Variants in ZDBF2 observed in about 807,000 individuals in gnomAD.
ZDBF2 encodes the protein zinc finger DBF-type containing 2.
ZDBF2 carries 6 observed loss-of-function variants against 9.4 expected under a neutral mutation model. The observed-to-expected ratio is 0.64, with a 90% confidence interval of 0.35 to 1.27. The LOEUF is 1.27. Ranked by LOEUF, ZDBF2 falls within the 50% of genes most tolerant of loss-of-function variation. The pLI is 0.03. For synonymous variants in ZDBF2, 905 were observed against 946.3 expected (o/e 0.96, Z 0.80); for missense variants, 2,697 against 2,766.8 (o/e 0.97, Z 0.57).
chr2:206,304,723 A>G lies in ZDBF2; in HGVS notation c.195A>G (p.Thr65=). ...TTCCCCCCTTTCGTTTTAGTTCAAC[A>G]CAAGATGAGACACATGTGAATACTG... The part of the protein sequence containing the change: ...HPYHCQESSS[T]QDETHVNTGS... The change falls in exon 5 of 5, where the codon ACA becomes ACG. Residue 65 remains threonine (T), a synonymous_variant. Transcript: ENST00000374423. The G allele has an allele frequency of 6.2e-7, 1 of 1,602,882 alleles. No individual in the cohort carries two copies. Among genetic ancestry groups the G allele is most frequent in the Non-Finnish European group, 8.5e-7 (1 of 1,175,686 alleles).
chr2:206,304,985 C>G lies in ZDBF2; in HGVS notation c.457C>G (p.His153Asp). Residue 153 changes from histidine (H) to aspartate (D), a missense_variant, in exon 5 of 5, where the codon CAT (histidine) becomes GAT (aspartate). This residue lies in a region of ZDBF2 where 910 missense variants were observed against 973.6 expected (regional missense o/e 0.93). Transcript: ENST00000374423. ...ACAGCAGCAGCCCTTGGAGTTTGTTCATAAAATTGGGGCCAGTGTGAGAAA... is the reference window on the plus strand; with the variant it reads ...ACAGCAGCAGCCCTTGGAGTTTGTTGATAAAATTGGGGCCAGTGTGAGAAA... The part of the protein sequence containing the change: ...KGQQQPLEFV[H>D]KIGASVRKCN... 6.2e-7 allele frequency: 1 copy of G among 1,613,582 alleles called. No individual in the cohort carries two copies. The highest frequency in any genetic ancestry group is 8.5e-7 in the Non-Finnish European group (1 of 1,179,754).
At position 206,309,199 on chromosome 2, in the gene ZDBF2, C is replaced by CA; in HGVS notation, c.4674dup (p.Asp1559ArgfsTer11). The CA allele has an allele frequency of 6.2e-7, 1 of 1,607,686 alleles. No homozygotes were observed. Among genetic ancestry groups the CA allele is most frequent in the Non-Finnish European group, 8.5e-7 (1 of 1,176,534 alleles). On this transcript the variant is annotated frameshift_variant, in exon 5 of 5. Coordinates refer to ENST00000374423, the MANE Select transcript of ZDBF2 (RefSeq NM_020923.3). LOFTEE classifies it low-confidence loss of function (END_TRUNC). ...TGACTGACCCACCTCAGTTGACTGT[C>CA]AAAGATATCAGCTGTATAAATACAG...
At chr2:206,300,908 G>A (rs1471986624) in intron 4 of ZDBF2, among the ~76,000 whole-genome samples, 2 of 152,012 alleles carry the variant, frequency 1.3e-5, no homozygotes, top group African/African-American at 2.4e-5. Flanking sequence ...CTCAAATTGT[G>A]TATGAACATT....
chr2:206,282,258 G>A (rs1691359976), intron 3 of ZDBF2, among the ~76,000 whole-genome samples: 1 of 152,124 alleles, frequency 6.6e-6, no homozygotes, highest in East Asian at 1.9e-4. Context: ...TTTGGAGTTT[G>A]GGTCTCAGGT....
At position 206,308,296 on chromosome 2, in the gene ZDBF2, A is replaced by G; in HGVS notation, c.3768A>G (p.Gln1256=). Residue 1256 remains glutamine, a synonymous_variant, in exon 5 of 5, where the codon CAA becomes CAG. Coordinates refer to ENST00000374423, the MANE Select transcript of ZDBF2 (RefSeq NM_020923.3). ...DSDVLQPVAG[Q]PEEVVKEVSL... is the part of the protein sequence containing the mutation. ...ATGTTCTTCAGCCAGTGGCTGGCCA[A>G]CCTGAAGAAGTAGTTAAGGAGGTCA... 6.2e-7 allele frequency: 1 copy of G among 1,613,914 alleles called. No individual in the cohort carries two copies. Among genetic ancestry groups the G allele is most frequent in the Non-Finnish European group, 8.5e-7 (1 of 1,179,848 alleles).
chr2:206,305,883 C>G lies in ZDBF2; in HGVS notation c.1355C>G (p.Ser452Cys), dbSNP rs1692760075. 9 of 1,613,200 alleles carry G rather than the reference C, an allele frequency of 5.6e-6. No homozygotes were observed. In the African/African-American group the frequency reaches 6.7e-5, roughly 12 times the overall value. Residue 452 changes from serine (S) to cysteine (C), a missense_variant, in exon 5 of 5, where the codon TCT becomes TGT. Around this residue, in one of 3 missense-constraint regions of ZDBF2, gnomAD observed 910 missense variants for 973.6 expected, o/e 0.93. Coordinates refer to ENST00000374423, the MANE Select transcript of ZDBF2 (RefSeq NM_020923.3). ...AAATCTTATGTTTCTAAAATAAGTT[C>G]TGATTGTGATGACATTCTTCACTTG... is the stretch of plus-strand genomic sequence containing the variant. ...NNKSYVSKIS[S>C]DCDDILHLVT... is the part of the protein sequence containing the mutation.
intron 4 of ZDBF2, 44 bp downstream of exon 4, chr2:206,297,417 T>A (rs1417454761): frequency 6.5e-7 from 1 of 1,542,740 alleles, no homozygotes; most frequent in South Asian, 1.2e-5. Flanking sequence ...AGTTATATGT[T>A]ACAGTAGGTG....
In ZDBF2 at chr2:206,311,483, C is replaced by G. The variant is rs1693190877; in HGVS notation, c.6955C>G (p.Pro2319Ala). ...AAGCTACCATGGCCGACAGAAAGGT[C>G]CTTCTACACCTGTGAGAGCATATGA... ...DESYHGRQKG[P>A]STPVRAYDLR... The change falls in exon 5 of 5, where the codon CCT becomes GCT. Residue 2319 changes from proline (P) to alanine (A), a missense_variant. Transcript: ENST00000374423. 6.2e-7 allele frequency: 1 copy of G among 1,608,670 alleles called. No individual in the cohort carries two copies. The highest frequency in any genetic ancestry group is 1.3e-5 in the African/African-American group (1 of 74,688).
At position 206,291,973 on chromosome 2, in the gene ZDBF2, A is replaced by G. The variant is rs1691921402; in HGVS notation, c.61-5273A>G. On this transcript the variant is annotated intron_variant, in intron 3 of 4. Transcript: ENST00000374423. ...TTAATAAGGAAGGTGAAATAAAACT[A>G]TTTTCAGGAAATAAAAATTAAGGGA... is the stretch of plus-strand genomic sequence containing the variant. 7 of 397,852 alleles carry G rather than the reference A, an allele frequency of 1.8e-5. No individual in the cohort carries two copies. The East Asian group carries it at 1.8e-4, about 10-fold the overall frequency. 24.6% of individuals were successfully genotyped at this position (397,852 alleles called of 1,614,324 possible).
chr2:206,302,788 A>G (rs1692570367), intron 4 of ZDBF2, among the ~76,000 whole-genome samples: 1 of 152,186 alleles, frequency 6.6e-6, no homozygotes, highest in Admixed American at 6.5e-5. Flanking sequence ...TATATGGGAT[A>G]GTAATACTTA....
chr2:206,311,333 CT>C lies in ZDBF2; in HGVS notation c.6809del (p.Leu2270Ter). On this transcript the variant is annotated frameshift_variant, in exon 5 of 5. Transcript: ENST00000374423. LOFTEE classifies it low-confidence loss of function (END_TRUNC). ...GAAGGCGAAGAGAACAGCTAAAGTG[CT>C]TTTGAACTCTTCAGTTCCACCAGCT... ...LKKAKRTAKV[L>X]LNSSVPPAGA... The C allele has an allele frequency of 6.2e-7, 1 of 1,603,924 alleles. No individual in the cohort carries two copies.
In ZDBF2 at chr2:206,305,860, A is replaced by G; in HGVS notation, c.1332A>G (p.Lys444=). 1 of 1,613,002 alleles carries G rather than the reference A, an allele frequency of 6.2e-7. No homozygotes were observed. Among genetic ancestry groups the G allele is most frequent in the Non-Finnish European group, 8.5e-7 (1 of 1,179,432 alleles). ...VRTDVQYKNN[K]SYVSKISSDC... is the part of the protein sequence containing the mutation. Reference sequence around the variant, plus strand: ...CTGATGTACAGTATAAGAATAATAAATCTTATGTTTCTAAAATAAGTTCTG... The same window carrying G: ...CTGATGTACAGTATAAGAATAATAAGTCTTATGTTTCTAAAATAAGTTCTG... The change falls in exon 5 of 5, where the codon AAA becomes AAG. Residue 444 remains lysine, a synonymous_variant. Coordinates refer to ENST00000374423, the MANE Select transcript of ZDBF2 (RefSeq NM_020923.3).
chr2:206,309,031 T>G lies in ZDBF2; in HGVS notation c.4503T>G (p.Asp1501Glu), dbSNP rs1276157186. Residue 1501 changes from aspartate (D) to glutamate (E), a missense_variant, in exon 5 of 5, where the codon GAT (aspartate) becomes GAG (glutamate). Transcript: ENST00000374423. ...CTAGTGATTCAGAAATGATGTATGA[T>G]TCTGATGTTCCTTTTCAAATAGTAG... ...DQPSDSEMMYDSDVPFQIVVN... is the reference protein window; with the variant it reads ...DQPSDSEMMYESDVPFQIVVN... 1.2e-6 allele frequency: 2 copies of G among 1,613,912 alleles called. No homozygotes were observed. Among genetic ancestry groups the G allele is most frequent in the Non-Finnish European group, 1.7e-6 (2 of 1,179,864 alleles).
chr2:206,297,412 T>C (rs759375348), intron 4 of ZDBF2, 39 bp downstream of exon 4: 2 of 1,556,412 alleles, frequency 1.3e-6, no homozygotes, highest in Admixed American at 1.8e-5. Context: ...TACGTAGTTA[T>C]ATGTTACAGT....
chr2:206,289,787 A>G (rs137927826), intron 3 of ZDBF2, among the ~76,000 whole-genome samples: 2,258 of 152,194 alleles, frequency 0.015, 21 homozygotes, highest in South Asian at 0.033. Context: ...TGAGGTCTGT[A>G]GGTGTCCAAG....
intron 3 of ZDBF2, chr2:206,292,193 A>G (rs1559138918): frequency 2.5e-6 from 1 of 397,878 alleles, no homozygotes; most frequent in East Asian, 3.6e-5. Context: ...TTGGGAGGGG[A>G]GTAAATGATG....
At position 206,310,383 on chromosome 2, in the gene ZDBF2, A is replaced by C; in HGVS notation, c.5855A>C (p.Asn1952Thr). 1.2e-6 allele frequency: 2 copies of C among 1,613,998 alleles called. No individual in the cohort carries two copies. Among genetic ancestry groups the C allele is most frequent in the Non-Finnish European group, 1.7e-6 (2 of 1,179,884 alleles). The change falls in exon 5 of 5, where the codon AAT becomes ACT. Residue 1952 changes from asparagine to threonine, a missense_variant. By Grantham distance (65) the Asn-to-Thr change is moderately conservative (BLOSUM62 0). Around this residue, in one of 3 missense-constraint regions of ZDBF2, gnomAD observed 1,783 missense variants for 1,776.5 expected, o/e 1.00. Transcript: ENST00000374423. The part of the protein sequence containing the change: ...ISHSTQTSCK[N>T]YPVMKRKIIR... Reference sequence around the variant, plus strand: ...CATAGTACTCAGACCAGTTGTAAGAATTACCCAGTGATGAAAAGAAAAATA... The same window carrying C: ...CATAGTACTCAGACCAGTTGTAAGACTTACCCAGTGATGAAAAGAAAAATA...
rs1414860113 is a variant in ZDBF2 at position 206,311,606 on chromosome 2, T to C, written c.*13T>C. The C allele has an allele frequency of 2.0e-6, 3 of 1,475,958 alleles. No homozygotes were observed. Among genetic ancestry groups the C allele is most frequent in the East Asian group, 4.6e-5 (2 of 43,180 alleles). The allele number at this position is 1,475,958 out of a possible 1,614,324, so 91.4% of individuals were successfully genotyped here. The stretch of plus-strand genomic sequence containing the variant: ...TGAGGTAAAATAGAAGTTGGTTTTG[T>C]GTTCAGGCTAGTTGAGGATTCAGTA... On this transcript the variant is annotated 3_prime_UTR_variant, in exon 5 of 5. Transcript: ENST00000374423.
intron 4 of ZDBF2, among the ~76,000 whole-genome samples, chr2:206,298,266 AAT>A (rs1369726419): frequency 6.6e-6 from 1 of 152,114 alleles, no homozygotes; most frequent in African/African-American, 2.4e-5. Flanking sequence ...TAAATATTAT[AAT>A]ATGTTTGTAG....
Sources: allele counts gnomAD v4.1 joint callset (sites outside exome capture counted in the v4.1 genomes callset), GRCh38; gene constraint gnomAD v4.1.1; regional missense constraint gnomAD v4.1.1; transcripts MANE v1.5; gene names NCBI Gene and HGNC (gene_info 2026-07-23, HGNC 2026-07-21).